The following ACOT1 variants were observed in gnomAD, a reference collection of about 807,000 sequenced individuals.
ACOT1 encodes acyl-CoA thioesterase 1.
In ACOT1, 8 loss-of-function variants were observed where a neutral mutation model predicts 15.7. That is an observed-to-expected ratio of 0.51 (90% CI 0.30 to 0.92). The LOEUF is 0.92. Ranked by LOEUF, ACOT1 falls within the 40% of genes least tolerant of loss-of-function variation. ACOT1 has a pLI of 0.06. For missense variants in ACOT1, 151 were observed against 539.4 expected (o/e 0.28, Z 7.13); for synonymous variants, 67 against 241.2 (o/e 0.28, Z 6.69).
At position 73,538,095 on chromosome 14, in the gene ACOT1, A is replaced by C. The variant is rs1343564739; in HGVS notation, c.457+217A>C. Among the ~76,000 whole-genome samples, 2 of 113,324 alleles carry C rather than the reference A, an allele frequency of 1.8e-5. 1 individual carries two copies. Among genetic ancestry groups the C allele is most frequent in the African/African-American group, 5.8e-5 (2 of 34,752 alleles). 74.3% of individuals were successfully genotyped at this position (113,324 alleles called of 152,430 possible). A position where few individuals can be genotyped will look rare whatever the true frequency, so the allele number is the denominator to read the frequency against. Reference sequence around the variant, plus strand: ...TCCCGCCTCTGCCTCCCCAAGAGCTAGGATTGCAGGGTGAGCCACTGCGCC... The same window carrying C: ...TCCCGCCTCTGCCTCCCCAAGAGCTCGGATTGCAGGGTGAGCCACTGCGCC... On this transcript the variant is annotated intron_variant, in intron 1 of 2. Coordinates refer to ENST00000311148, the MANE Select transcript of ACOT1 (RefSeq NM_001037161.2).
chr14:73,530,808 T>TTC, the ACOT1 span, among the ~76,000 whole-genome samples: 4 of 86,822 alleles, frequency 4.6e-5, no homozygotes, highest in African/African-American at 1.5e-4. Context: ...TTTTTTTTTT[T>TTC]TTTTTTTTTT....
At chr14:73,519,425 A>G in the ACOT1 span, among the ~76,000 whole-genome samples, 1 of 151,664 alleles carries the variant, frequency 6.6e-6, no homozygotes, top group Non-Finnish European at 1.5e-5. Flanking sequence ...GAGGCCTGGG[A>G]GCCAAGGATG....
the ACOT1 span, chr14:73,491,764 G>A: frequency 6.4e-7 from 1 of 1,566,188 alleles, no homozygotes; most frequent in African/African-American, 1.4e-5. Context: ...ACCTGGATTC[G>A]ATGCTGCGCA....
At chr14:73,524,195 G>A in the ACOT1 span, among the ~76,000 whole-genome samples, 2 of 150,380 alleles carry the variant, frequency 1.3e-5, no homozygotes, top group African/African-American at 4.9e-5. Context: ...GGGAGATTGA[G>A]GCAGGAGAAT....
the ACOT1 span, chr14:73,492,366 T>A: frequency 6.2e-7 from 1 of 1,613,848 alleles, no homozygotes; most frequent in Non-Finnish European, 8.5e-7. This position sits in a 1 kb window ranked among gnomAD's most constrained non-coding sequence, Gnocchi z 4.9. Context: ...AATGTGGAGT[T>A]TCGGAGGGGT....
chr14:73,516,776 G>A, the ACOT1 span, among the ~76,000 whole-genome samples: 4 of 152,184 alleles, frequency 2.6e-5, no homozygotes, highest in African/African-American at 7.2e-5. Flanking sequence ...TTAGAGTCAC[G>A]TAGCATGAAC....
Position 73,537,159 on chromosome 14 carries a change from A to G in ACOT1, c.-263A>G. 1 of 355,676 alleles carries G rather than the reference A, an allele frequency of 2.8e-6. No homozygotes were observed. The highest frequency in any genetic ancestry group is 4.7e-6 in the Non-Finnish European group (1 of 212,232). The allele number at this position is 355,676 out of a possible 1,614,324, so 22.0% of individuals were successfully genotyped here. On this transcript the variant is annotated 5_prime_UTR_variant, in exon 1 of 3. Transcript: ENST00000311148. ...GCCCAGCCCATTCCGCGAGCCAGCA[A>G]GCTTCTGAAAAGCAAACCTAGGAAG... is the stretch of plus-strand genomic sequence containing the variant.
At chr14:73,508,474 C>T in the ACOT1 span, among the ~76,000 whole-genome samples, 2 of 152,088 alleles carry the variant, frequency 1.3e-5, no homozygotes, top group South Asian at 2.1e-4. Flanking sequence ...ATTGGCTGGG[C>T]ACGGTGGCTA....
the ACOT1 span, among the ~76,000 whole-genome samples, chr14:73,524,180 T>C: frequency 1.3e-5 from 2 of 150,574 alleles, no homozygotes; most frequent in Non-Finnish European, 1.5e-5. Context: ...TAATCCCAGC[T>C]ACTTGGGAGA....
At chr14:73,491,514 C>T in the ACOT1 span, 1 of 1,513,390 alleles carries the variant, frequency 6.6e-7, no homozygotes, top group South Asian at 1.2e-5. Context: ...GCCCCTGCGA[C>T]GGCGTCGGGG....
the ACOT1 span, among the ~76,000 whole-genome samples, chr14:73,501,985 T>TCCACCCGCCTCGG: frequency 7.4e-3 from 1,124 of 151,748 alleles, 16 homozygotes; most frequent in African/African-American, 0.026. Flanking sequence ...GACCTTGTGA[T>TCCACCCGCCTCGG]CCACCCGCCT....
At chr14:73,533,445 G>A (rs35719974), upstream of ACOT1, among the ~76,000 whole-genome samples, 36,941 of 113,896 alleles carry the variant, frequency 0.32, 14,296 homozygotes, top group Admixed American at 0.48. Flanking sequence ...TTGGGAGGCC[G>A]AGGAGGGTAG....
the ACOT1 span, chr14:73,498,958 G>C: frequency 1.1e-6 from 1 of 886,986 alleles, no homozygotes; most frequent in Non-Finnish European, 1.9e-6. Context: ...GAAAAGCTAA[G>C]ATCATTACCT....
the ACOT1 span, among the ~76,000 whole-genome samples, chr14:73,504,489 T>G: frequency 2.0e-5 from 3 of 152,060 alleles, no homozygotes; most frequent in East Asian, 3.9e-4. Flanking sequence ...TGATCCGCCC[T>G]CCTTGGCCTC....
At chr14:73,507,784 C>T in the ACOT1 span, among the ~76,000 whole-genome samples, 1 of 151,596 alleles carries the variant, frequency 6.6e-6, no homozygotes, top group African/African-American at 2.4e-5. Context: ...GCTCTGTCAC[C>T]TAGGCTGGAG....
At chr14:73,510,193 A>G in the ACOT1 span, among the ~76,000 whole-genome samples, 1 of 151,658 alleles carries the variant, frequency 6.6e-6, no homozygotes, top group Non-Finnish European at 1.5e-5. Context: ...AATTATATTT[A>G]GGTAGTGCTT....
At chr14:73,525,901 C>T in the ACOT1 span, among the ~76,000 whole-genome samples, 1 of 150,386 alleles carries the variant, frequency 6.6e-6, no homozygotes. Context: ...TGCAGTGAGA[C>T]GAAATGGTGC....
At chr14:73,515,453 G>T in the ACOT1 span, among the ~76,000 whole-genome samples, 1 of 152,012 alleles carries the variant, frequency 6.6e-6, no homozygotes, top group Non-Finnish European at 1.5e-5. Context: ...GCCAAAGCGG[G>T]TGGATCACTT....
At chr14:73,503,985 G>T in the ACOT1 span, among the ~76,000 whole-genome samples, 1 of 152,112 alleles carries the variant, frequency 6.6e-6, no homozygotes, top group South Asian at 2.1e-4. Context: ...TGCCAAGGAG[G>T]TGAAGGTACA....
Sources: gnomAD v4.1 joint callset for allele counts (sites outside exome capture counted in the v4.1 genomes callset) on GRCh38, gnomAD v4.1.1 for gene constraint, Gnocchi (gnomAD v3.1) non-coding constraint, MANE v1.5 for transcripts, NCBI Gene and HGNC (gene_info 2026-07-23, HGNC 2026-07-21) for gene names.